PRELID2: variants seen among roughly 807,000 people sequenced by gnomAD.
The protein encoded by PRELID2 is PRELI domain containing 2, also known as PRELI domain-containing protein 2.
Under a neutral mutation model 28.4 loss-of-function variants are expected in PRELID2, and 25 were observed. The ratio of observed to expected loss-of-function variants is 0.88; its 90% CI spans 0.64 to 1.23. PRELID2 has a LOEUF of 1.23. PRELID2 is among the 50% of genes most tolerant of loss of function. The pLI, the probability that PRELID2 is intolerant of heterozygous loss-of-function variation, is 0.00. For missense variants in PRELID2, 201 were observed against 214.4 expected (o/e 0.94, Z 0.39); for synonymous variants, 76 against 71.6 (o/e 1.06, Z -0.31).
chr5:145,502,690 C>A (rs944519800), intron 1 of PRELID2, among the ~76,000 whole-genome samples: 1 of 152,104 alleles, frequency 6.6e-6, no homozygotes, highest in African/African-American at 2.4e-5. Context: ...TAGCCCAGTA[C>A]CTGATACATA....
intron 1 of PRELID2, among the ~76,000 whole-genome samples, chr5:145,829,990 G>A (rs1177561854): frequency 6.6e-6 from 1 of 152,186 alleles, no homozygotes; most frequent in East Asian, 1.9e-4. Flanking sequence ...GGGTCATTCT[G>A]TCAAAGCAAA....
chr5:145,818,741 G>A (rs980749485), intron 3 of PRELID2, among the ~76,000 whole-genome samples: 3 of 152,174 alleles, frequency 2.0e-5, no homozygotes, highest in Admixed American at 6.5e-5. Context: ...ACTGAAGAAT[G>A]TGACAGTCTT....
chr5:145,713,214 TA>T (rs1755742471), intron 1 of PRELID2, among the ~76,000 whole-genome samples: 1 of 150,300 alleles, frequency 6.7e-6, no homozygotes, highest in Non-Finnish European at 1.5e-5. Flanking sequence ...TGAACAAAAA[TA>T]AAAAACATAC....
intron 2 of PRELID2, among the ~76,000 whole-genome samples, chr5:145,821,259 ATGTG>A (rs957137666): frequency 1.4e-5 from 1 of 72,546 alleles, no homozygotes. Context: ...TTCTGTGTGT[ATGTG>A]TGTGTAAGCC....
Position 145,817,206 on chromosome 5 carries a change from A to AT in PRELID2, c.368+687_368+688insA, listed in dbSNP as rs1423577359. ...ACTGCATTTCAAAAAAAAATAAATA[A>AT]ATAAATAAAAAAAAATATATATATA... On this transcript the variant is annotated intron_variant, in intron 4 of 6. Transcript: ENST00000683046. Among the ~76,000 whole-genome samples the AT allele has an allele frequency of 3.1e-3, 192 of 62,778 alleles. 10 individuals are homozygous for AT. Among genetic ancestry groups the AT allele is most frequent in the Non-Finnish European group, 5.8e-3 (143 of 24,548 alleles). 41.2% of individuals were successfully genotyped at this position (62,778 alleles called of 152,430 possible). A position where few individuals can be genotyped will look rare whatever the true frequency, so the allele number is the denominator to read the frequency against.
chr5:145,396,535 C>T, the PRELID2 span, among the ~76,000 whole-genome samples: 1 of 150,236 alleles, frequency 6.7e-6, no homozygotes, highest in Non-Finnish European at 1.5e-5. Flanking sequence ...AGTATTTGTC[C>T]TATAAAGCCT....
intron 1 of PRELID2, among the ~76,000 whole-genome samples, chr5:145,744,100 T>G (rs2149744287): frequency 6.6e-6 from 1 of 152,334 alleles, no homozygotes; most frequent in East Asian, 1.9e-4. Flanking sequence ...TGACTCATCC[T>G]TCCTCATTGG....
At chr5:145,308,127 G>T in the PRELID2 span, among the ~76,000 whole-genome samples, 1 of 152,172 alleles carries the variant, frequency 6.6e-6, no homozygotes, top group South Asian at 2.1e-4. Flanking sequence ...ATCAGACTGA[G>T]AGGGCACCAG....
At chr5:145,766,215 T>C (rs1757749257) in intron 5 of PRELID2, among the ~76,000 whole-genome samples, 1 of 152,198 alleles carries the variant, frequency 6.6e-6, no homozygotes, top group African/African-American at 2.4e-5. Context: ...TTCAGAGATC[T>C]GAGCCTGAGA....
At chr5:145,715,761 A>G (rs1755825699) in intron 1 of PRELID2, among the ~76,000 whole-genome samples, 1 of 152,164 alleles carries the variant, frequency 6.6e-6, no homozygotes, top group Non-Finnish European at 1.5e-5. Flanking sequence ...TGAGTGTCCC[A>G]TGGATGGCTT....
chr5:145,484,410 T>C (rs549785450), intron 1 of PRELID2, among the ~76,000 whole-genome samples: 1 of 152,320 alleles, frequency 6.6e-6, no homozygotes, highest in Admixed American at 6.5e-5. Context: ...CTCTGACTCA[T>C]AGACTGACTC....
the PRELID2 span, among the ~76,000 whole-genome samples, chr5:145,314,369 T>A: frequency 6.6e-6 from 1 of 152,202 alleles, no homozygotes; most frequent in Admixed American, 6.5e-5. Context: ...AAATAAGCCA[T>A]TGATTTTAAT....
At chr5:145,744,997 C>A (rs1561570900) in intron 1 of PRELID2, among the ~76,000 whole-genome samples, 1 of 151,918 alleles carries the variant, frequency 6.6e-6, no homozygotes, top group Non-Finnish European at 1.5e-5. Context: ...ACTAGAAAAA[C>A]CAGTTTAGAA....
intron 1 of PRELID2, among the ~76,000 whole-genome samples, chr5:145,566,366 T>G (rs1333175055): frequency 1.3e-5 from 2 of 152,204 alleles, no homozygotes; most frequent in African/African-American, 4.8e-5. Context: ...AACCCAGGGT[T>G]TGGACTGAAA....
intron 5 of PRELID2, among the ~76,000 whole-genome samples, chr5:145,766,254 G>C (rs889446956): frequency 6.6e-6 from 1 of 152,000 alleles, no homozygotes; most frequent in Non-Finnish European, 1.5e-5. Context: ...AATGATAAGG[G>C]GAACTTAAAA....
At chr5:145,817,198 A>AAAAAAAATATATATATATATATATAT (rs1365517052) in intron 4 of PRELID2, among the ~76,000 whole-genome samples, 2 of 70,078 alleles carry the variant, frequency 2.9e-5, no homozygotes, top group Non-Finnish European at 6.5e-5. Context: ...TTCAAAAAAA[A>AAAAAAAATATATATATATATATATAT]ATAAATAAAT....
At chr5:145,752,694 T>C (rs1340595862), downstream of PRELID2, among the ~76,000 whole-genome samples, 2 of 152,224 alleles carry the variant, frequency 1.3e-5, no homozygotes, top group Non-Finnish European at 2.9e-5. Flanking sequence ...TCTTTCTTCC[T>C]CTCCTCACCC....
At chr5:145,295,725 T>C in the PRELID2 span, among the ~76,000 whole-genome samples, 1 of 152,172 alleles carries the variant, frequency 6.6e-6, no homozygotes, top group South Asian at 2.1e-4. Context: ...TTTGCCTATG[T>C]TCATGTAGCG....
At chr5:145,486,296 T>C (rs1580955119) in intron 1 of PRELID2, among the ~76,000 whole-genome samples, 1 of 152,232 alleles carries the variant, frequency 6.6e-6, no homozygotes, top group East Asian at 1.9e-4. Context: ...GGTCTATAAT[T>C]TTCTCATTAG....
Sources: gnomAD v4.1 joint callset for allele counts (sites outside exome capture counted in the v4.1 genomes callset) on GRCh38, gnomAD v4.1.1 for gene constraint, MANE v1.5 for transcripts, NCBI Gene and HGNC (gene_info 2026-07-23, HGNC 2026-07-21) for gene names.